DLC1: variants seen among roughly 807,000 people sequenced by gnomAD.
DLC1 encodes the protein rho GTPase-activating protein 7.
In DLC1, 54 loss-of-function variants were observed where a neutral mutation model predicts 140.3. The ratio of observed to expected loss-of-function variants is 0.38; its 90% CI spans 0.31 to 0.48. The LOEUF (loss-of-function observed/expected upper bound fraction) is 0.48, where lower values mean the gene tolerates loss of function less well. Among genes scored for constraint, DLC1 ranks in the 20% least tolerant of loss-of-function variants. DLC1 has a pLI of 0.96. For synonymous variants in DLC1, 986 were observed against 728.1 expected (o/e 1.35, Z -5.70); for missense variants, 2,536 against 1,907.0 (o/e 1.33, Z -6.14).
intron 5 of DLC1, among the ~76,000 whole-genome samples, chr8:13,196,528 C>A (rs1381224229): frequency 6.6e-6 from 1 of 152,192 alleles, no homozygotes; most frequent in Non-Finnish European, 1.5e-5. Context: ...TACTATGAAC[C>A]ATGAATTATG....
intron 5 of DLC1, among the ~76,000 whole-genome samples, chr8:13,262,667 C>G (rs929569876): frequency 1.2e-4 from 19 of 152,186 alleles, no homozygotes; most frequent in African/African-American, 4.3e-4. Context: ...CTCAAGTGAT[C>G]TTCCTGCCTC....
intron 1 of DLC1, among the ~76,000 whole-genome samples, chr8:13,582,059 A>G (rs1407992607): frequency 1.3e-5 from 2 of 152,116 alleles, no homozygotes; most frequent in African/African-American, 4.8e-5. Context: ...TTGGAGAAAA[A>G]ACAAAGTCCA....
chr8:13,421,617 C>T (rs1461775574), intron 2 of DLC1, among the ~76,000 whole-genome samples: 2 of 152,084 alleles, frequency 1.3e-5, no homozygotes, highest in Admixed American at 1.3e-4. Context: ...TGTGTCCTTG[C>T]AGGAGTTAGT....
At chr8:13,503,453 C>A (rs1219974318) in intron 1 of DLC1, among the ~76,000 whole-genome samples, 2 of 152,136 alleles carry the variant, frequency 1.3e-5, no homozygotes, top group Non-Finnish European at 2.9e-5. Context: ...TGGAGACATT[C>A]TAGTTTGAAA....
chr8:13,186,822 C>T (rs950141931), intron 5 of DLC1, among the ~76,000 whole-genome samples: 1 of 152,224 alleles, frequency 6.6e-6, no homozygotes, highest in African/African-American at 2.4e-5. Flanking sequence ...TGGTGACGTA[C>T]AGATGGGGTT....
chr8:13,371,409 C>T (rs1422619093), intron 4 of DLC1, among the ~76,000 whole-genome samples: 2 of 152,164 alleles, frequency 1.3e-5, no homozygotes, highest in Non-Finnish European at 2.9e-5. Flanking sequence ...CTCTCTCACT[C>T]TCTTCAAGTT....
At chr8:13,250,119 C>T (rs1415579367) in intron 5 of DLC1, among the ~76,000 whole-genome samples, 1 of 152,180 alleles carries the variant, frequency 6.6e-6, no homozygotes, top group Non-Finnish European at 1.5e-5. Context: ...TGGCACAATC[C>T]CTGGAACATG....
chr8:13,535,415 G>A (rs534722135), intron 1 of DLC1, among the ~76,000 whole-genome samples: 4 of 152,188 alleles, frequency 2.6e-5, no homozygotes, highest in South Asian at 2.1e-4. Flanking sequence ...ATTAACACAC[G>A]TTAGGTACAA....
At chr8:13,122,062 C>G (rs1457275056) in intron 5 of DLC1, among the ~76,000 whole-genome samples, 1 of 152,144 alleles carries the variant, frequency 6.6e-6, no homozygotes, top group Non-Finnish European at 1.5e-5. Context: ...CCTCACGGAA[C>G]TCTGATAAGC....
chr8:13,286,717 G>C (rs556170741), intron 5 of DLC1, among the ~76,000 whole-genome samples: 72 of 137,628 alleles, frequency 5.2e-4, no homozygotes, highest in African/African-American at 1.8e-3. Context: ...TTTTGAAATA[G>C]GAAAAAAAAT....
intron 5 of DLC1, among the ~76,000 whole-genome samples, chr8:13,232,339 G>A (rs1419297785): frequency 1.3e-5 from 2 of 151,164 alleles, no homozygotes; most frequent in Non-Finnish European, 2.9e-5. Flanking sequence ...TTCTGCTACA[G>A]TCTTTTTTTT....
chr8:13,503,536 T>G (rs916610083), intron 1 of DLC1, among the ~76,000 whole-genome samples: 1 of 152,248 alleles, frequency 6.6e-6, no homozygotes, highest in South Asian at 2.1e-4. Context: ...GAAGACCACC[T>G]TATAATTTGG....
chr8:13,099,802 G>T lies in DLC1; in HGVS notation c.2535C>A (p.Gly845=). Residue 845 remains glycine, a synonymous_variant, in exon 9 of 18, where the codon GGC becomes GGA. Transcript: ENST00000276297. ...CCCTCCTGAGGCTGATGTGGCCAGG[G>T]CCGTGGAAGCTTCCCGTCCTCCAGT... ...SVNWRTGSFH[G]PGHISLRREN... is the part of the protein sequence containing the mutation. 6.2e-7 allele frequency: 1 copy of T among 1,614,168 alleles called. No homozygotes were observed. Among genetic ancestry groups the T allele is most frequent in the South Asian group, 1.1e-5 (1 of 91,070 alleles).
At chr8:13,107,837 G>C (rs906009105) in intron 7 of DLC1, among the ~76,000 whole-genome samples, 2 of 152,102 alleles carry the variant, frequency 1.3e-5, no homozygotes, top group African/African-American at 2.4e-5. Flanking sequence ...TGGATCAGGA[G>C]TTCAAGACCA....
Position 13,276,050 on chromosome 8 carries a change from C to G in DLC1, c.1348+29219G>C, listed in dbSNP as rs569248160. On this transcript the variant is annotated intron_variant, in intron 5 of 17. Coordinates refer to ENST00000276297, the MANE Select transcript of DLC1 (RefSeq NM_182643.3). ...ATAATCAGACCAGTAACCAGAGCGG[C>G]GTTACACAAAACAAACACACAAAAA... is the stretch of plus-strand genomic sequence containing the variant. Among the ~76,000 whole-genome samples the G allele has an allele frequency of 1.3e-4, 20 of 152,262 alleles. No individual in the cohort carries two copies. In the South Asian group the frequency reaches 4.1e-3, roughly 32 times the overall value.
chr8:13,207,001 ATGAG>A (rs1239776841), intron 5 of DLC1, among the ~76,000 whole-genome samples: 1 of 152,198 alleles, frequency 6.6e-6, no homozygotes, highest in Non-Finnish European at 1.5e-5. Context: ...CACTTAAACA[ATGAG>A]TGAGCAAGTA....
intron 2 of DLC1, among the ~76,000 whole-genome samples, chr8:13,441,872 A>C (rs933921775): frequency 5.9e-5 from 9 of 152,206 alleles, no homozygotes; most frequent in African/African-American, 2.2e-4. Context: ...TTCATATGGA[A>C]CCAAAAAAGG....
chr8:13,153,543 C>T (rs1184239321), intron 5 of DLC1, among the ~76,000 whole-genome samples: 2 of 152,192 alleles, frequency 1.3e-5, no homozygotes, highest in Non-Finnish European at 2.9e-5. Flanking sequence ...GCTCTTATTC[C>T]CTTATGTGGT....
chr8:13,123,303 C>T (rs1022703867), intron 5 of DLC1, among the ~76,000 whole-genome samples: 61 of 152,026 alleles, frequency 4.0e-4, no homozygotes, highest in Admixed American at 9.2e-4. Flanking sequence ...GGCCTCCTCT[C>T]ATGCCCTGTC....
Sources: allele counts gnomAD v4.1 joint callset (sites outside exome capture counted in the v4.1 genomes callset), GRCh38; gene constraint gnomAD v4.1.1; transcripts MANE v1.5; gene names NCBI Gene and HGNC (gene_info 2026-07-23, HGNC 2026-07-21).